Variants in ZNF420 observed in about 807,000 individuals in gnomAD.
ZNF420 encodes ATM and p53-associated KZNF protein.
ZNF420 carries 31 observed loss-of-function variants against 44.7 expected under a neutral mutation model. That is an observed-to-expected ratio of 0.69 (90% CI 0.52 to 0.94). ZNF420 has a LOEUF of 0.94. Among genes scored for constraint, ZNF420 ranks in the 40% least tolerant of loss-of-function variants. The pLI is 0.00. For missense variants in ZNF420, 681 were observed against 827.9 expected, an observed-to-expected ratio of 0.82 and a Z score of 2.18; for synonymous variants, 245 against 267.4, an observed-to-expected ratio of 0.92 and a Z score of 0.82.
chr19:37,103,980 CTTTTT>C (rs59756045), intron 4 of ZNF420, among the ~76,000 whole-genome samples: 6,487 of 139,214 alleles, frequency 0.047, 398 homozygotes, highest in African/African-American at 0.14. Flanking sequence ...TTTTTTTTGT[CTTTTT>C]TTTTTTTTAT....
chr19:37,068,167 TTAAG>T (rs2146450608), intron 1 of ZNF420, among the ~76,000 whole-genome samples: 2 of 152,214 alleles, frequency 1.3e-5, no homozygotes, highest in Admixed American at 1.3e-4. Flanking sequence ...CATTGATAAC[TTAAG>T]TATGTCCTGT....
chr19:37,056,088 G>GTCTC (rs373594908), intron 1 of ZNF420, among the ~76,000 whole-genome samples: 4,278 of 149,536 alleles, frequency 0.029, 206 homozygotes, highest in African/African-American at 0.1. Context: ...CTCACTCTCT[G>GTCTC]TCTCTCTCTC....
chr19:37,067,035 C>T (rs940088842), intron 1 of ZNF420, among the ~76,000 whole-genome samples: 1 of 152,046 alleles, frequency 6.6e-6, no homozygotes, highest in African/African-American at 2.4e-5. Context: ...GTGAAAGAAG[C>T]CTTACATACA....
chr19:37,041,762 T>C (rs1274184298), intron 1 of ZNF420, among the ~76,000 whole-genome samples: 1 of 152,218 alleles, frequency 6.6e-6, no homozygotes, highest in Non-Finnish European at 1.5e-5. Context: ...TCATTCATGC[T>C]CATTATTTTC....
At chr19:37,085,524 C>T (rs1317387769) in intron 2 of ZNF420, among the ~76,000 whole-genome samples, 3 of 152,162 alleles carry the variant, frequency 2.0e-5, no homozygotes, top group Admixed American at 1.3e-4. Flanking sequence ...GCATTACAGT[C>T]TCTAAAGGGA....
chr19:37,066,392 G>A (rs1967967536), intron 1 of ZNF420, among the ~76,000 whole-genome samples: 1 of 151,634 alleles, frequency 6.6e-6, no homozygotes, highest in African/African-American at 2.4e-5. Flanking sequence ...GCAGTGAGCC[G>A]AGATTGCACT....
At chr19:37,065,936 G>T (rs766244453) in intron 1 of ZNF420, among the ~76,000 whole-genome samples, 1 of 152,016 alleles carries the variant, frequency 6.6e-6, no homozygotes, top group Non-Finnish European at 1.5e-5. Flanking sequence ...CTGCCACCAT[G>T]AACAAAAATT....
At chr19:37,090,644 G>A (rs568299971) in intron 3 of ZNF420, among the ~76,000 whole-genome samples, 7 of 149,148 alleles carry the variant, frequency 4.7e-5, no homozygotes, top group African/African-American at 9.9e-5. Context: ...TTTTTTGGCC[G>A]GGCACAGTGG....
Position 37,081,633 on chromosome 19 carries a change from C to T in ZNF420, c.-81+1245C>T, listed in dbSNP as rs190951692. ...CTCCACCTCCCAGGTTCAAGTGATT[C>T]TCCTACCTTAGCCTCCCGAGTAGCT... On this transcript the variant is annotated intron_variant, in intron 2 of 4. Coordinates refer to ENST00000337995, the MANE Select transcript of ZNF420 (RefSeq NM_144689.5). Among the ~76,000 whole-genome samples, 6 of 150,412 alleles carry T rather than the reference C, an allele frequency of 4.0e-5. No individual in the cohort carries two copies. In the Admixed American group the frequency reaches 4.0e-4, roughly 10 times the overall value.
intron 1 of ZNF420, among the ~76,000 whole-genome samples, chr19:37,057,859 C>T (rs1394215884): frequency 2.0e-5 from 3 of 152,140 alleles, no homozygotes; most frequent in African/African-American, 7.2e-5. Flanking sequence ...GGTTGTATCT[C>T]CTCGCGGCTT....
At chr19:37,056,975 G>A (rs911078251) in intron 1 of ZNF420, among the ~76,000 whole-genome samples, 1 of 152,272 alleles carries the variant, frequency 6.6e-6, no homozygotes, top group African/African-American at 2.4e-5. Context: ...TTCCAGCAGC[G>A]GAGCGCGAGT....
chr19:37,087,308 A>C lies in ZNF420; in HGVS notation c.-80-1731A>C, dbSNP rs993532143. 2.1e-5 allele frequency among the ~76,000 whole-genome samples: 3 copies of C among 143,884 alleles called. 1 individual carries two copies. Among genetic ancestry groups the C allele is most frequent in the African/African-American group, 7.9e-5 (3 of 37,962 alleles). 94.4% of individuals were successfully genotyped at this position (143,884 alleles called of 152,430 possible). A position where few individuals can be genotyped will look rare whatever the true frequency, so the allele number is the denominator to read the frequency against. ...AAAAAAAAAAATAAATAAATAAATAAATAAATAAATAAATAAATAAATAAA... is the reference window on the plus strand; with the variant it reads ...AAAAAAAAAAATAAATAAATAAATACATAAATAAATAAATAAATAAATAAA... On this transcript the variant is annotated intron_variant, in intron 2 of 4. Coordinates refer to ENST00000337995, the MANE Select transcript of ZNF420 (RefSeq NM_144689.5).
chr19:37,029,328 A>G (rs1464795176), intron 1 of ZNF420, among the ~76,000 whole-genome samples: 1 of 152,188 alleles, frequency 6.6e-6, no homozygotes, highest in Non-Finnish European at 1.5e-5. Context: ...GGAAATGGGA[A>G]ATGCAAAGTC....
chr19:37,030,840 C>T (rs1046633207), intron 1 of ZNF420, among the ~76,000 whole-genome samples: 1 of 152,174 alleles, frequency 6.6e-6, no homozygotes, highest in Non-Finnish European at 1.5e-5. Context: ...TGGCTGCACC[C>T]TAGTTTAATA....
rs749624819 is a variant in ZNF420 at position 37,128,614 on chromosome 19, G to A, written c.1623G>A (p.Ala541=). 28 of 1,612,582 alleles carry A rather than the reference G, an allele frequency of 1.7e-5. No individual in the cohort carries two copies. Among genetic ancestry groups the A allele is most frequent in the South Asian group, 3.3e-5 (3 of 90,988 alleles). The change falls in exon 5 of 5, where the codon GCG becomes GCA. Residue 541 remains alanine, a synonymous_variant. Transcript: ENST00000337995. ...YVCNECGKAF[A]RGLLLIQHQR... ...GTAATGAATGTGGAAAGGCCTTTGC[G>A]CGTGGCTTACTACTTATACAACATC...
At chr19:37,126,006 C>T (rs1971326449) in intron 4 of ZNF420, among the ~76,000 whole-genome samples, 1 of 152,158 alleles carries the variant, frequency 6.6e-6, no homozygotes, top group Non-Finnish European at 1.5e-5. Flanking sequence ...TTAGCTTTTT[C>T]TAGAATCATA....
At chr19:37,087,847 A>G (rs753995535) in intron 2 of ZNF420, among the ~76,000 whole-genome samples, 2 of 152,050 alleles carry the variant, frequency 1.3e-5, no homozygotes, top group Non-Finnish European at 2.9e-5. Context: ...GGGTTTCACC[A>G]TGTTAGCCAG....
chr19:37,096,659 T>A (rs1969471657), intron 4 of ZNF420, among the ~76,000 whole-genome samples: 1 of 152,166 alleles, frequency 6.6e-6, no homozygotes, highest in Non-Finnish European at 1.5e-5. Context: ...TCAGAGCATA[T>A]TTACTCCATC....
intron 1 of ZNF420, among the ~76,000 whole-genome samples, chr19:37,037,341 A>G (rs539936674): frequency 6.6e-6 from 1 of 152,310 alleles, no homozygotes; most frequent in Admixed American, 6.5e-5. Context: ...TCTTGCCGAG[A>G]TGGATGGCTA....
Sources: gnomAD v4.1 joint callset for allele counts (sites outside exome capture counted in the v4.1 genomes callset) on GRCh38, gnomAD v4.1.1 for gene constraint, MANE v1.5 for transcripts, NCBI Gene and HGNC (gene_info 2026-07-23, HGNC 2026-07-21) for gene names.